PSTPIP2: variants seen among roughly 807,000 people sequenced by gnomAD.
PSTPIP2 encodes proline-serine-threonine phosphatase interacting protein 2, also known as proline-serine-threonine phosphatase-interacting protein 2.
PSTPIP2 carries 33 observed loss-of-function variants against 63.3 expected under a neutral mutation model. The observed-to-expected ratio is 0.52, with a 90% CI of 0.40 to 0.70. The LOEUF (loss-of-function observed/expected upper bound fraction) is 0.70. PSTPIP2 is among the 30% of genes least tolerant of loss of function. PSTPIP2 has a pLI of 0.00. For synonymous variants in PSTPIP2, 125 were observed against 132.7 expected (o/e 0.94, Z 0.40); for missense variants, 312 against 400.7 (o/e 0.78, Z 1.89).
intron 4 of PSTPIP2, among the ~76,000 whole-genome samples, chr18:46,013,726 T>C (rs1447339639): frequency 6.6e-6 from 1 of 152,026 alleles, no homozygotes; most frequent in African/African-American, 2.4e-5. Context: ...CTCATATCAA[T>C]AAATAATAAT....
chr18:45,984,718 C>A lies in PSTPIP2; in HGVS notation c.*741G>T, dbSNP rs2144051189. On this transcript the variant is annotated 3_prime_UTR_variant, in exon 15 of 15. Transcript: ENST00000409746. ...TTAAACATCATGCTCTGTAGTTCAG[C>A]ATACACAGGGATCCACATAAAAATA... The A allele has an allele frequency of 6.6e-6, 1 of 152,298 alleles. No individual in the cohort carries two copies. The highest frequency in any genetic ancestry group is 1.9e-4 in the East Asian group (1 of 5,176). The allele number at this position is 152,298 out of a possible 1,614,324, so 9.4% of individuals were successfully genotyped here. A position where few individuals can be genotyped will look rare whatever the true frequency, so the allele number is the denominator to read the frequency against.
intron 1 of PSTPIP2, among the ~76,000 whole-genome samples, chr18:46,062,261 C>T (rs556262247): frequency 6.6e-6 from 1 of 152,238 alleles, no homozygotes; most frequent in South Asian, 2.1e-4. Context: ...AAGATTTCCC[C>T]ATCTTGTTGC....
chr18:46,011,155 C>A (rs776518820), intron 5 of PSTPIP2, 26 bp downstream of exon 5: 1 of 1,572,130 alleles, frequency 6.4e-7, no homozygotes. Flanking sequence ...GGAAAGGAAA[C>A]ACCTTAACAC....
Position 45,990,747 on chromosome 18 carries a change from G to A in PSTPIP2, c.930C>T (p.Pro310=). 2 of 1,605,110 alleles carry A rather than the reference G, an allele frequency of 1.2e-6. No individual in the cohort carries two copies. Among genetic ancestry groups the A allele is most frequent in the South Asian group, 1.1e-5 (1 of 90,650 alleles). Residue 310 remains proline, a synonymous_variant, in exon 13 of 15, where the codon CCC becomes CCT. Transcript: ENST00000409746. ...CTGGTGAGCTTTTAGGAATTGGGAG[G>A]GGTCCTCTCCTGTAAGAAATGAAAA... ...ATGPNLARRG[P]LPIPKSSPDD...
At chr18:46,015,966 CA>C (rs2051849288) in intron 3 of PSTPIP2, 29 bp from the exon 4 acceptor site, 3 of 1,605,718 alleles carry the variant, frequency 1.9e-6, no homozygotes, top group East Asian at 2.2e-5. Flanking sequence ...TATATAATTT[CA>C]GTTCTGGAAA....
At chr18:46,027,888 C>T (rs1302340228) in intron 2 of PSTPIP2, among the ~76,000 whole-genome samples, 2 of 151,932 alleles carry the variant, frequency 1.3e-5, no homozygotes, top group Admixed American at 6.6e-5. Context: ...GGGCCGGGCA[C>T]GGTGGCTCAC....
At chr18:45,991,766 AT>A in intron 12 of PSTPIP2, 135 bp downstream of exon 12, 1 of 807,512 alleles carries the variant, frequency 1.2e-6, no homozygotes, top group Non-Finnish European at 1.9e-6. Flanking sequence ...TAAAAATACT[AT>A]TTCCAAAAAG....
intron 7 of PSTPIP2, among the ~76,000 whole-genome samples, chr18:45,999,042 C>T (rs1220576155): frequency 6.6e-6 from 1 of 152,136 alleles, no homozygotes; most frequent in Non-Finnish European, 1.5e-5. Flanking sequence ...AAGCATCTTG[C>T]CCAGTGTCTT....
Position 46,024,669 on chromosome 18 carries a change from C to A in PSTPIP2, c.152G>T (p.Arg51Met). 3 of 1,613,990 alleles carry A rather than the reference C, an allele frequency of 1.9e-6. No homozygotes were observed. Among genetic ancestry groups the A allele is most frequent in the Non-Finnish European group, 2.5e-6 (3 of 1,179,894 alleles). Residue 51 changes from arginine (R) to methionine (M), a missense_variant, in exon 3 of 15, where the codon AGG (arginine) becomes ATG (methionine). Physicochemically the swap from Arg to Met is moderately conservative, Grantham distance 91 (BLOSUM62 -1). Transcript: ENST00000409746. The stretch of plus-strand genomic sequence containing the variant: ...GAGGTTGAGCAGATCTTTGCCATAC[C>A]TCTCTTCAATTGCTGCCCTAGGGGA... Reference protein sequence around the residue: ...FLKERAAIEERYGKDLLNLSR... With the variant: ...FLKERAAIEEMYGKDLLNLSR...
intron 1 of PSTPIP2, among the ~76,000 whole-genome samples, chr18:46,061,579 G>A (rs912042109): frequency 6.6e-6 from 1 of 152,198 alleles, no homozygotes; most frequent in African/African-American, 2.4e-5. Context: ...CTTATGGGCA[G>A]GAACTAGACA....
At chr18:46,037,153 T>C (rs1400567130) in intron 2 of PSTPIP2, among the ~76,000 whole-genome samples, 1 of 152,158 alleles carries the variant, frequency 6.6e-6, no homozygotes, top group African/African-American at 2.4e-5. Context: ...TGTTTGTTTG[T>C]TTTTTGTTTT....
chr18:46,064,245 C>CA (rs2144135397), intron 1 of PSTPIP2, among the ~76,000 whole-genome samples: 1 of 116,474 alleles, frequency 8.6e-6, no homozygotes, highest in African/African-American at 3.2e-5. Flanking sequence ...GCTCTGGTTT[C>CA]TTTTTTCTTT....
chr18:46,007,445 GAC>G (rs1369838881), intron 5 of PSTPIP2, among the ~76,000 whole-genome samples: 1 of 152,238 alleles, frequency 6.6e-6, no homozygotes, highest in East Asian at 1.9e-4. Flanking sequence ...AGCATGGAAA[GAC>G]ACACGGCAGA....
intron 5 of PSTPIP2, 159 bp downstream of exon 5, chr18:46,011,022 C>A (rs2051789651): frequency 3.2e-6 from 2 of 622,972 alleles, no homozygotes; most frequent in African/African-American, 3.7e-5. Flanking sequence ...AATGCATATA[C>A]CCATCTGGAC....
At chr18:46,046,338 G>C (rs1450877563) in intron 1 of PSTPIP2, among the ~76,000 whole-genome samples, 3 of 152,244 alleles carry the variant, frequency 2.0e-5, no homozygotes, top group Non-Finnish European at 4.4e-5. Flanking sequence ...TCCCGCTGCT[G>C]AGCATCCGCA....
intron 1 of PSTPIP2, among the ~76,000 whole-genome samples, chr18:46,043,364 G>A (rs904054258): frequency 5.3e-5 from 8 of 150,982 alleles, no homozygotes; most frequent in African/African-American, 9.8e-5. Flanking sequence ...GCACTCCAGC[G>A]TGGGTGACAG....
intron 2 of PSTPIP2, chr18:46,028,817 C>G (rs1182277210): frequency 2.6e-6 from 4 of 1,513,580 alleles, no homozygotes; most frequent in Non-Finnish European, 3.7e-6. Context: ...AAGCTGAAAA[C>G]AACTTCAGAT....
chr18:46,018,812 T>G (rs1383501601), intron 3 of PSTPIP2, among the ~76,000 whole-genome samples: 4 of 152,214 alleles, frequency 2.6e-5, no homozygotes, highest in Non-Finnish European at 5.9e-5. Flanking sequence ...GATTCGTCTT[T>G]GGCCTGGAAC....
At chr18:46,027,976 C>T (rs908345718) in intron 2 of PSTPIP2, among the ~76,000 whole-genome samples, 19 of 152,284 alleles carry the variant, frequency 1.2e-4, no homozygotes, top group African/African-American at 4.6e-4. Flanking sequence ...GTCTGGCCAA[C>T]ATGGTGAAAC....
Sources: allele counts gnomAD v4.1 joint callset (sites outside exome capture counted in the v4.1 genomes callset), GRCh38; gene constraint gnomAD v4.1.1; transcripts MANE v1.5; gene names NCBI Gene and HGNC (gene_info 2026-07-23, HGNC 2026-07-21).